The following AP3S2 variants were observed in gnomAD, a reference collection of about 807,000 sequenced individuals.
AP3S2 encodes the protein AP-3 complex subunit sigma-2.
AP3S2 carries 22 observed loss-of-function variants against 23.4 expected under a neutral mutation model. The ratio of observed to expected loss-of-function variants is 0.94; its 90% CI spans 0.67 to 1.34. AP3S2 has a LOEUF of 1.34. Ranked by LOEUF, AP3S2 falls within the 40% of genes most tolerant of loss-of-function variation. The pLI is 0.00. For missense variants in AP3S2, 241 were observed against 236.9 expected (o/e 1.02, Z -0.11); for synonymous variants, 86 against 87.1 (o/e 0.99, Z 0.07).
rs1459576453 is a variant in AP3S2 at position 89,893,941 on chromosome 15, C to T, written c.9G>A (p.Gln3=). The T allele has an allele frequency of 1.3e-6, 2 of 1,551,622 alleles. No individual in the cohort carries two copies. Among genetic ancestry groups the T allele is most frequent in the Middle Eastern group, 1.7e-4 (1 of 5,992 alleles). Residue 3 remains glutamine, a synonymous_variant, in exon 1 of 6, where the codon CAG becomes CAA. Transcript: ENST00000336418. ...CATGGTTGTTGAAAACCAGAATCGC[C>T]TGAATCATCTTTGCCAGCCACGGTT... MI[Q]AILVFNNHGK... is the part of the protein sequence containing the mutation.
chr15:89,866,536 A>C (rs994254105), intron 4 of AP3S2, among the ~76,000 whole-genome samples: 3 of 151,112 alleles, frequency 2.0e-5, no homozygotes, highest in Admixed American at 6.6e-5. Flanking sequence ...CCCAGGCTGA[A>C]GTGCAATGGC....
intron 4 of AP3S2, among the ~76,000 whole-genome samples, chr15:89,868,697 G>T (rs1334241858): frequency 8.4e-6 from 1 of 119,624 alleles, no homozygotes; most frequent in African/African-American, 3.3e-5. Flanking sequence ...GGAGGTGGGG[G>T]GGTCAGCCCT....
At chr15:89,874,127 GTTTTT>G (rs10602688) in intron 3 of AP3S2, among the ~76,000 whole-genome samples, 1 of 146,904 alleles carries the variant, frequency 6.8e-6, no homozygotes, top group Non-Finnish European at 1.5e-5. Context: ...AGGGTTTTGG[GTTTTT>G]TTTTTTTTTA....
chr15:89,860,717 C>G (rs1180797063), intron 4 of AP3S2, among the ~76,000 whole-genome samples: 1 of 151,858 alleles, frequency 6.6e-6, no homozygotes, highest in South Asian at 2.1e-4. Context: ...TTCCTTATTA[C>G]TTAAGCCAAA....
chr15:89,851,146 T>A (rs865968709), intron 4 of AP3S2, among the ~76,000 whole-genome samples: 3 of 152,278 alleles, frequency 2.0e-5, no homozygotes, highest in South Asian at 4.2e-4. Context: ...TAAGAAAGAT[T>A]AAACATGTAC....
At chr15:89,866,979 C>CCCCACT (rs1896140468) in intron 4 of AP3S2, among the ~76,000 whole-genome samples, 3 of 131,178 alleles carry the variant, frequency 2.3e-5, no homozygotes, top group Non-Finnish European at 3.3e-5. Context: ...TCCCCCTTTT[C>CCCCACT]CCCTCTCCCT....
rs1370422571 is a variant in AP3S2, at chr15:89,832,804, T to A, written c.*2711A>T. 6.6e-6 allele frequency: 1 copy of A among 152,164 alleles called. No homozygotes were observed. The allele number at this position is 152,164 out of a possible 1,614,324, so 9.4% of individuals were successfully genotyped here. A position where few individuals can be genotyped will look rare whatever the true frequency, so the allele number is the denominator to read the frequency against. On this transcript the variant is annotated 3_prime_UTR_variant, in exon 6 of 6. Transcript: ENST00000336418. ...CACCTGGCCAACCTTAACCTATTTT[T>A]AAAAAAGATGTTTATGGCTTTGCTG... is the stretch of plus-strand genomic sequence containing the variant.
At chr15:89,881,204 C>T (rs1191843342) in intron 3 of AP3S2, among the ~76,000 whole-genome samples, 1 of 152,022 alleles carries the variant, frequency 6.6e-6, no homozygotes, top group Admixed American at 6.6e-5. Context: ...TGAAGATGAG[C>T]GTGTATACGG....
intron 4 of AP3S2, among the ~76,000 whole-genome samples, chr15:89,856,889 A>G (rs557472291): frequency 4.7e-5 from 7 of 149,384 alleles, no homozygotes; most frequent in South Asian, 4.2e-4. Context: ...AAAAAAAAAG[A>G]AAAGAAAAGA....
intron 4 of AP3S2, among the ~76,000 whole-genome samples, chr15:89,846,579 T>C (rs1198384978): frequency 6.6e-6 from 1 of 151,658 alleles, no homozygotes; most frequent in African/African-American, 2.4e-5. Context: ...CAGGCTGGAG[T>C]GCAGTGGTGC....
At chr15:89,883,025 C>G (rs1379127882) in intron 3 of AP3S2, among the ~76,000 whole-genome samples, 2 of 152,182 alleles carry the variant, frequency 1.3e-5, no homozygotes, top group African/African-American at 2.4e-5. Context: ...TTTGTTCCAA[C>G]TATTCCTTTG....
intron 3 of AP3S2, among the ~76,000 whole-genome samples, chr15:89,872,935 A>G (rs1596212191): frequency 6.6e-6 from 1 of 152,318 alleles, no homozygotes; most frequent in South Asian, 2.1e-4. Context: ...AAACTATGAC[A>G]TTATGTATGC....
At chr15:89,842,902 T>C (rs983551189) in intron 4 of AP3S2, among the ~76,000 whole-genome samples, 6 of 151,056 alleles carry the variant, frequency 4.0e-5, no homozygotes, top group African/African-American at 9.7e-5. Flanking sequence ...TAAGCCACTG[T>C]GCCCAGAAGA....
chr15:89,844,434 C>A (rs1477904822), intron 4 of AP3S2, among the ~76,000 whole-genome samples: 1 of 151,696 alleles, frequency 6.6e-6, no homozygotes, highest in East Asian at 1.9e-4. Flanking sequence ...AACTCCTGGG[C>A]TCCAGCAATC....
intron 3 of AP3S2, among the ~76,000 whole-genome samples, chr15:89,872,184 T>TA (rs1430042348): frequency 6.6e-6 from 1 of 151,940 alleles, no homozygotes; most frequent in Admixed American, 6.6e-5. Context: ...ACCAACTACT[T>TA]ACAATACTAT....
chr15:89,877,502 C>T (rs28416243), intron 3 of AP3S2: 12,426 of 769,320 alleles, frequency 0.016, 559 homozygotes, highest in African/African-American at 0.14. Context: ...CATTCGATAA[C>T]GTTCATAATG....
intron 4 of AP3S2, among the ~76,000 whole-genome samples, chr15:89,866,011 C>T (rs1486466606): frequency 6.6e-6 from 1 of 152,066 alleles, no homozygotes; most frequent in Non-Finnish European, 1.5e-5. Flanking sequence ...CCTGTAATTC[C>T]AGCACTTTGG....
At chr15:89,839,561 A>C (rs1180420548) in intron 4 of AP3S2, among the ~76,000 whole-genome samples, 1 of 152,232 alleles carries the variant, frequency 6.6e-6, no homozygotes, top group Admixed American at 6.5e-5. Context: ...TCCACTGTTT[A>C]TACTTCCCCA....
chr15:89,872,073 C>G (rs895118526), intron 3 of AP3S2, among the ~76,000 whole-genome samples: 1 of 149,358 alleles, frequency 6.7e-6, no homozygotes, highest in Non-Finnish European at 1.5e-5. Context: ...AAGCAGAGAT[C>G]GCACCACTGC....
Sources: gnomAD v4.1 joint callset for allele counts (sites outside exome capture counted in the v4.1 genomes callset) on GRCh38, gnomAD v4.1.1 for gene constraint, MANE v1.5 for transcripts, NCBI Gene and HGNC (gene_info 2026-07-23, HGNC 2026-07-21) for gene names.